ZNF140: variants seen among roughly 807,000 people sequenced by gnomAD.
ZNF140 encodes zinc finger protein 140.
A neutral mutation model predicts 12.9 loss-of-function variants in ZNF140; 13 were observed. The ratio of observed to expected loss-of-function variants is 1.01; its 90% CI spans 0.66 to 1.60. The LOEUF is 1.60. Ranked by LOEUF, ZNF140 falls within the 40% of genes most tolerant of loss-of-function variation. The pLI is 0.00. For synonymous variants in ZNF140, 214 were observed against 186.7 expected, an observed-to-expected ratio of 1.15 and a Z score of -1.19; for missense variants, 531 against 548.8, an observed-to-expected ratio of 0.97 and a Z score of 0.32.
chr12:133,104,139 C>T (rs923202372), intron 4 of ZNF140, among the ~76,000 whole-genome samples: 1 of 152,034 alleles, frequency 6.6e-6, no homozygotes, highest in African/African-American at 2.4e-5. Flanking sequence ...ATGACAAATG[C>T]GTTTTTAGAT....
At chr12:133,098,123 C>T (rs74657265) in intron 4 of ZNF140, among the ~76,000 whole-genome samples, 37 of 151,916 alleles carry the variant, frequency 2.4e-4, no homozygotes, top group African/African-American at 4.6e-4. Flanking sequence ...CGTGAGCCTA[C>T]GCACCCAGCC....
chr12:133,086,719 AAG>A (rs1954688926), intron 4 of ZNF140, among the ~76,000 whole-genome samples: 1 of 151,438 alleles, frequency 6.6e-6, no homozygotes, highest in Admixed American at 6.6e-5. Context: ...TTTCCCTCCT[AAG>A]AGATTATGAT....
intron 4 of ZNF140, among the ~76,000 whole-genome samples, chr12:133,088,066 G>A (rs1954733428): frequency 6.6e-6 from 1 of 151,842 alleles, no homozygotes; most frequent in Non-Finnish European, 1.5e-5. Context: ...GGAGGCAGAG[G>A]GTGCAGTAAG....
At chr12:133,089,194 A>G (rs1954774170) in intron 4 of ZNF140, among the ~76,000 whole-genome samples, 1 of 151,956 alleles carries the variant, frequency 6.6e-6, no homozygotes, top group Non-Finnish European at 1.5e-5. Flanking sequence ...TTCATTTTTG[A>G]AAGTTATTAA....
At chr12:133,096,234 T>C (rs1249073704) in intron 4 of ZNF140, among the ~76,000 whole-genome samples, 1 of 152,088 alleles carries the variant, frequency 6.6e-6, no homozygotes, top group African/African-American at 2.4e-5. Context: ...CCAAGTATAC[T>C]GCTTGTAAAC....
Position 133,101,476 on chromosome 12 carries a change from G to A in ZNF140, c.233-4034G>A, listed in dbSNP as rs376023260. Among the ~76,000 whole-genome samples, 627 of 148,714 alleles carry A rather than the reference G, an allele frequency of 4.2e-3. 4 individuals are homozygous for A. Among genetic ancestry groups the A allele is most frequent in the African/African-American group, 0.014 (592 of 41,240 alleles). On this transcript the variant is annotated intron_variant, in intron 4 of 4. Transcript: ENST00000355557. ...AGGAATTCTTTTGAGATGGAGTCTC[G>A]CTCTGTCACCCAGGCTGGAGTGCAG...
Position 133,105,616 on chromosome 12 carries a change from G to A in ZNF140, c.339G>A (p.Val113=). The change falls in exon 5 of 5, where the codon GTG becomes GTA. Residue 113 remains valine (V), a synonymous_variant. Transcript: ENST00000355557. ...IMERILSQGP[V]YSSFKGGWKC... ...AAAGAATTCTAAGTCAAGGCCCTGTGTATTCCAGTTTTAAAGGAGGCTGGA... is the reference window on the plus strand; with the variant it reads ...AAAGAATTCTAAGTCAAGGCCCTGTATATTCCAGTTTTAAAGGAGGCTGGA... 1 of 1,614,120 alleles carries A rather than the reference G, an allele frequency of 6.2e-7. No individual in the cohort carries two copies. The highest frequency in any genetic ancestry group is 8.5e-7 in the Non-Finnish European group (1 of 1,180,034).
In ZNF140 at chr12:133,105,761, G is replaced by A. The variant is rs1291061002; in HGVS notation, c.484G>A (p.Gly162Arg). The change falls in exon 5 of 5, where the codon GGA (glycine) becomes AGA (arginine). Residue 162 changes from glycine to arginine, a missense_variant. Coordinates refer to ENST00000355557, the MANE Select transcript of ZNF140 (RefSeq NM_003440.4). ...TATCAGTACTGTGGAGAGGCCCTAT[G>A]GATGCCATGAATGTGGAAAAACTTT... The part of the protein sequence containing the change: ...MNISTVERPY[G>R]CHECGKTFGR... 19 of 1,614,062 alleles carry A rather than the reference G, an allele frequency of 1.2e-5. No homozygotes were observed. Among genetic ancestry groups the A allele is most frequent in the Non-Finnish European group, 1.4e-5 (17 of 1,180,044 alleles).
intron 4 of ZNF140, among the ~76,000 whole-genome samples, chr12:133,090,800 G>A (rs912702161): frequency 1.5e-4 from 20 of 136,964 alleles, no homozygotes; most frequent in Admixed American, 4.5e-4. Context: ...AAACATGTGA[G>A]CAAAAGAATC....
At position 133,106,704 on chromosome 12, in the gene ZNF140, A is replaced by AAGGCATTATACTTCTTT; in HGVS notation, c.*53_*54insAGGCATTATACTTCTTT. 1 of 1,445,552 alleles carries AAGGCATTATACTTCTTT rather than the reference A, an allele frequency of 6.9e-7. No individual in the cohort carries two copies. Among genetic ancestry groups the AAGGCATTATACTTCTTT allele is most frequent in the Non-Finnish European group, 9.2e-7 (1 of 1,081,624 alleles). The allele number at this position is 1,445,552 out of a possible 1,614,324, so 89.5% of individuals were successfully genotyped here. ...TGTATGGAATTTTTTAAAAAGAAGT[A>AAGGCATTATACTTCTTT]TAATGCCTTACTTCAGAGAACTCTT... On this transcript the variant is annotated 3_prime_UTR_variant, in exon 5 of 5. Transcript: ENST00000355557.
intron 4 of ZNF140, among the ~76,000 whole-genome samples, chr12:133,096,243 A>G (rs1313742806): frequency 1.3e-5 from 2 of 152,022 alleles, no homozygotes; most frequent in African/African-American, 4.8e-5. Context: ...CTGCTTGTAA[A>G]CATTTTGTTA....
chr12:133,092,066 A>C (rs1300805575), intron 4 of ZNF140, among the ~76,000 whole-genome samples: 9 of 151,192 alleles, frequency 6.0e-5, no homozygotes, highest in Non-Finnish European at 1.2e-4. Flanking sequence ...AGAATTCCAC[A>C]GTCTTGAGGA....
At chr12:133,092,804 C>T (rs968989834) in intron 4 of ZNF140, among the ~76,000 whole-genome samples, 1 of 151,106 alleles carries the variant, frequency 6.6e-6, no homozygotes, top group Non-Finnish European at 1.5e-5. Context: ...TAATTGGCCT[C>T]GAGGGGCCCA....
chr12:133,089,853 CT>C (rs201164780), intron 4 of ZNF140, among the ~76,000 whole-genome samples: 3,421 of 138,310 alleles, frequency 0.025, 103 homozygotes, highest in African/African-American at 0.08. Flanking sequence ...AATATTTGTG[CT>C]TTTTTTTTTT....
At chr12:133,091,853 C>T (rs1302014145) in intron 4 of ZNF140, among the ~76,000 whole-genome samples, 1 of 151,028 alleles carries the variant, frequency 6.6e-6, no homozygotes, top group African/African-American at 2.5e-5. Context: ...AGATTGTCTT[C>T]TCTTCCTTGT....
At chr12:133,083,281 C>T in intron 3 of ZNF140, 52 bp downstream of exon 3, 4 of 1,576,354 alleles carry the variant, frequency 2.5e-6, no homozygotes, top group Non-Finnish European at 2.6e-6. Context: ...GTTAGGGTGG[C>T]TGTTATAATT....
In ZNF140 at chr12:133,100,022, A is replaced by T. The variant is rs796409866; in HGVS notation, c.233-5488A>T. 4.8e-3 allele frequency among the ~76,000 whole-genome samples: 724 copies of T among 151,870 alleles called. 4 individuals carry two copies. The highest frequency in any genetic ancestry group is 0.017 in the African/African-American group (691 of 41,398). On this transcript the variant is annotated intron_variant, in intron 4 of 4. Coordinates refer to ENST00000355557, the MANE Select transcript of ZNF140 (RefSeq NM_003440.4). ...TTCTGAGAAGATCTGATGTACGGTA[A>T]TCCTCCCCTATCTTCAGGGGATATT...
intron 4 of ZNF140, chr12:133,093,264 G>C (rs1954953500): frequency 1.7e-6 from 1 of 571,722 alleles, no homozygotes; most frequent in Non-Finnish European, 3.1e-6. Context: ...GTAATTGTCT[G>C]AATTAAGGGT....
At chr12:133,083,342 T>G (rs1265544273) in intron 3 of ZNF140, 113 bp downstream of exon 3, 1 of 1,497,330 alleles carries the variant, frequency 6.7e-7, no homozygotes, top group African/African-American at 1.4e-5. Flanking sequence ...AAATTAGTTT[T>G]AAGATGGGGA....
Sources: allele counts gnomAD v4.1 joint callset (sites outside exome capture counted in the v4.1 genomes callset), GRCh38; gene constraint gnomAD v4.1.1; transcripts MANE v1.5; gene names NCBI Gene and HGNC (gene_info 2026-07-23, HGNC 2026-07-21).